The following APBB1IP variants were observed in gnomAD, a reference collection of about 807,000 sequenced individuals.
APBB1IP encodes the protein amyloid beta precursor protein binding family B member 1 interacting protein.
Under a neutral mutation model 64.9 loss-of-function variants are expected in APBB1IP, and 27 were observed. The ratio of observed to expected loss-of-function variants is 0.42; its 90% CI spans 0.31 to 0.57. The LOEUF (loss-of-function observed/expected upper bound fraction) is 0.57. Among genes scored for constraint, APBB1IP ranks in the 20% least tolerant of loss-of-function variants. The pLI, the probability that APBB1IP is intolerant of heterozygous loss-of-function variation, is 0.20. For missense variants in APBB1IP, 812 were observed against 845.5 expected (o/e 0.96, Z 0.49); for synonymous variants, 392 against 331.0 (o/e 1.18, Z -2.00).
intron 2 of APBB1IP, among the ~76,000 whole-genome samples, chr10:26,460,163 C>A (rs1174010184): frequency 2.0e-5 from 3 of 152,176 alleles, no homozygotes. Flanking sequence ...TGTAAAGTTA[C>A]TGAGCACAGT....
At chr10:26,530,746 A>C (rs1269868803) in intron 8 of APBB1IP, among the ~76,000 whole-genome samples, 1 of 152,084 alleles carries the variant, frequency 6.6e-6, no homozygotes, top group Non-Finnish European at 1.5e-5. Context: ...GCCTTGGGAA[A>C]ATCACTTAAT....
chr10:26,560,974 G>C, intron 13 of APBB1IP, 130 bp downstream of exon 13: 1 of 535,802 alleles, frequency 1.9e-6, no homozygotes, highest in Non-Finnish European at 3.0e-6. Context: ...CTGATGATCA[G>C]GCTCAAACTC....
intron 8 of APBB1IP, among the ~76,000 whole-genome samples, chr10:26,522,474 T>C (rs1564368404): frequency 6.6e-6 from 1 of 152,210 alleles, no homozygotes; most frequent in Admixed American, 6.5e-5. Context: ...TCCTTTTTTT[T>C]CCCTTTGAAC....
chr10:26,501,710 G>A (rs1039938524), intron 5 of APBB1IP: 5 of 152,708 alleles, frequency 3.3e-5, no homozygotes, highest in African/African-American at 1.2e-4. Context: ...CTCATAGTAT[G>A]TCTCTCATAA....
At chr10:26,457,215 C>T (rs1217631270) in intron 2 of APBB1IP, among the ~76,000 whole-genome samples, 1 of 152,184 alleles carries the variant, frequency 6.6e-6, no homozygotes, top group Non-Finnish European at 1.5e-5. Flanking sequence ...TGTTTCTTCT[C>T]CGAGCCTTGT....
intron 2 of APBB1IP, among the ~76,000 whole-genome samples, chr10:26,472,708 C>T (rs114656410): frequency 0.011 from 1,692 of 152,074 alleles, 36 homozygotes; most frequent in African/African-American, 0.038. Flanking sequence ...AGGCCAAGGC[C>T]GGCAGATCAC....
intron 2 of APBB1IP, among the ~76,000 whole-genome samples, chr10:26,445,178 AAGAAAGAAAG>A (rs1357418447): frequency 1.6e-4 from 23 of 143,814 alleles, no homozygotes; most frequent in Non-Finnish European, 3.2e-4. Flanking sequence ...GAAAGAAAGA[AAGAAAGAAAG>A]AAAGAAAAGG....
chr10:26,459,280 T>G (rs923449515), intron 2 of APBB1IP, among the ~76,000 whole-genome samples: 11 of 152,074 alleles, frequency 7.2e-5, no homozygotes, highest in African/African-American at 1.2e-4. Flanking sequence ...CATCATTTTT[T>G]ATGGCTGCAT....
chr10:26,492,459 G>A (rs1775246), intron 3 of APBB1IP, 61 bp downstream of exon 3: 1,138,034 of 1,480,308 alleles, frequency 0.77, 439,933 homozygotes, highest in East Asian at 0.91. Context: ...GAATTTCATT[G>A]TAATATGACA....
Position 26,567,535 on chromosome 10 carries a change from G to T in APBB1IP, c.*47G>T. On this transcript the variant is annotated 3_prime_UTR_variant, in exon 15 of 15. Coordinates refer to ENST00000376236, the MANE Select transcript of APBB1IP (RefSeq NM_019043.4). ...CAGAGGGAGAAGCATCGCTGACCCC[G>T]AGCGCAGGTTTTGCTAGCAGATTGC... The T allele has an allele frequency of 6.6e-7, 1 of 1,517,932 alleles. No homozygotes were observed. The highest frequency in any genetic ancestry group is 8.9e-7 in the Non-Finnish European group (1 of 1,117,592). The allele number at this position is 1,517,932 out of a possible 1,614,324, so 94.0% of individuals were successfully genotyped here.
At chr10:26,552,910 A>C (rs1263206035) in intron 11 of APBB1IP, among the ~76,000 whole-genome samples, 1 of 151,998 alleles carries the variant, frequency 6.6e-6, no homozygotes, top group Non-Finnish European at 1.5e-5. Context: ...GGGGGCTCTA[A>C]CTCACTCCCC....
intron 8 of APBB1IP, among the ~76,000 whole-genome samples, chr10:26,527,008 G>T (rs761005273): frequency 5.9e-5 from 9 of 152,204 alleles, no homozygotes; most frequent in Non-Finnish European, 1.0e-4. Context: ...TATTGTGGGA[G>T]AAAAGTATTA....
At chr10:26,527,225 G>A (rs553552891) in intron 8 of APBB1IP, among the ~76,000 whole-genome samples, 2 of 152,254 alleles carry the variant, frequency 1.3e-5, no homozygotes, top group East Asian at 3.9e-4. Flanking sequence ...GTGGGCGTGT[G>A]TGATTAGTCA....
chr10:26,490,376 G>A (rs1311627600), intron 2 of APBB1IP, among the ~76,000 whole-genome samples: 1 of 152,152 alleles, frequency 6.6e-6, no homozygotes, highest in Non-Finnish European at 1.5e-5. Context: ...TGTAATCCCA[G>A]CATTTTGGGA....
chr10:26,560,143 T>A lies in APBB1IP; in HGVS notation c.1194T>A (p.Tyr398Ter). Residue 398 changes from tyrosine to a stop codon, truncating the protein, a stop_gained, in exon 12 of 15, where the codon TAT becomes TAA. Coordinates refer to ENST00000376236, the MANE Select transcript of APBB1IP (RefSeq NM_019043.4). LOFTEE classifies it high-confidence loss of function. ...AGAAGGAGTCCCAGTATATCAAGTA[T>A]CTCTGCTGTGATGACACAAGAACCC... ...QIQKESQYIK[Y>*]LCCDDTRTLN... 6.2e-7 allele frequency: 1 copy of A among 1,614,186 alleles called. No individual in the cohort carries two copies. The highest frequency in any genetic ancestry group is 8.5e-7 in the Non-Finnish European group (1 of 1,180,040).
chr10:26,544,095 C>T (rs759158447), intron 11 of APBB1IP, among the ~76,000 whole-genome samples: 6 of 152,208 alleles, frequency 3.9e-5, no homozygotes, highest in Non-Finnish European at 5.9e-5. Flanking sequence ...GCTCAGAGGC[C>T]GTTCTCTCAG....
chr10:26,522,415 T>C (rs774192359), intron 8 of APBB1IP, among the ~76,000 whole-genome samples: 5 of 152,254 alleles, frequency 3.3e-5, no homozygotes, highest in Non-Finnish European at 5.9e-5. Flanking sequence ...TCTTCACTTT[T>C]GGTGATGTAC....
intron 8 of APBB1IP, among the ~76,000 whole-genome samples, chr10:26,530,719 C>T (rs956962669): frequency 1.3e-5 from 2 of 151,820 alleles, no homozygotes; most frequent in Middle Eastern, 3.2e-3. Context: ...AATAACTCAA[C>T]GTTCTGCCAC....
chr10:26,447,434 A>C (rs1835414131), intron 2 of APBB1IP, among the ~76,000 whole-genome samples: 1 of 152,102 alleles, frequency 6.6e-6, no homozygotes, highest in Non-Finnish European at 1.5e-5. Context: ...AATGGAAGAA[A>C]GATACGCCAG....
Sources: gnomAD v4.1 joint callset for allele counts (sites outside exome capture counted in the v4.1 genomes callset) on GRCh38, gnomAD v4.1.1 for gene constraint, MANE v1.5 for transcripts, NCBI Gene and HGNC (gene_info 2026-07-23, HGNC 2026-07-21) for gene names.